EXOG: variants seen among roughly 807,000 people sequenced by gnomAD.
EXOG encodes exo/endonuclease G.
Under a neutral mutation model 25.8 loss-of-function variants are expected in EXOG, and 27 were observed. That is an observed-to-expected ratio of 1.05 (90% CI 0.77 to 1.45). The LOEUF is 1.45. Among genes scored for constraint, EXOG ranks in the 40% most tolerant of loss-of-function variants. EXOG has a pLI of 0.00. For missense variants in EXOG, 458 were observed against 450.5 expected, an observed-to-expected ratio of 1.02 and a Z score of -0.15; for synonymous variants, 133 against 167.0, an observed-to-expected ratio of 0.80 and a Z score of 1.57.
rs947830040 is a variant in EXOG, at chr3:38,525,799, C to T, written c.*1437C>T. On this transcript the variant is annotated 3_prime_UTR_variant, in exon 6 of 6. Coordinates refer to ENST00000287675, the MANE Select transcript of EXOG (RefSeq NM_005107.4). ...CTTTACAAAAAAATACAAAAATTAG[C>T]TGGGCGTGGTGGTGCACACCTGTAG... 2.7e-6 allele frequency: 1 copy of T among 376,436 alleles called. No homozygotes were observed. The highest frequency in any genetic ancestry group is 3.7e-6 in the Non-Finnish European group (1 of 273,424). 23.3% of individuals were successfully genotyped at this position (376,436 alleles called of 1,614,324 possible).
At chr3:38,514,873 C>T (rs2060490123) in intron 5 of EXOG, among the ~76,000 whole-genome samples, 1 of 145,248 alleles carries the variant, frequency 6.9e-6, no homozygotes, top group South Asian at 2.2e-4. Context: ...CAGGTTCAAG[C>T]AATTCTTCTG....
Position 38,496,351 on chromosome 3 carries a change from C to A in EXOG, c.-17C>A. 1 of 1,609,106 alleles carries A rather than the reference C, an allele frequency of 6.2e-7. No homozygotes were observed. On this transcript the variant is annotated 5_prime_UTR_variant, in exon 1 of 6. Coordinates refer to ENST00000287675, the MANE Select transcript of EXOG (RefSeq NM_005107.4). Reference sequence around the variant, plus strand: ...CGCGCGCATGCGCCGTGGTAAAAGGCCGGTACCTCGGGCAAGATGGCTATC... The same window carrying A: ...CGCGCGCATGCGCCGTGGTAAAAGGACGGTACCTCGGGCAAGATGGCTATC...
intron 5 of EXOG, among the ~76,000 whole-genome samples, chr3:38,519,551 A>T (rs939730678): frequency 3.3e-5 from 5 of 151,582 alleles, no homozygotes; most frequent in African/African-American, 9.7e-5. Flanking sequence ...TGGGAGTAAT[A>T]TTTTTTTTTA....
At chr3:38,515,939 G>A (rs1420143817) in intron 5 of EXOG, 1 of 152,206 alleles carries the variant, frequency 6.6e-6, no homozygotes, top group Non-Finnish European at 1.5e-5. Flanking sequence ...TTCTGCAGAT[G>A]AATTTTTTTC....
In EXOG at chr3:38,524,420, C is replaced by G; in HGVS notation, c.*58C>G. 6.6e-7 allele frequency: 1 copy of G among 1,514,828 alleles called. No homozygotes were observed. The highest frequency in any genetic ancestry group is 8.8e-7 in the Non-Finnish European group (1 of 1,135,810). The allele number at this position is 1,514,828 out of a possible 1,614,324, so 93.8% of individuals were successfully genotyped here. A position where few individuals can be genotyped will look rare whatever the true frequency, so the allele number is the denominator to read the frequency against. On this transcript the variant is annotated 3_prime_UTR_variant, in exon 6 of 6. Coordinates refer to ENST00000287675, the MANE Select transcript of EXOG (RefSeq NM_005107.4). ...ATGAAGCAGGCATGCCCTCTTTAGG[C>G]TAACATATTTTAGTGGCTTTGCTTT...
rs2060219500 is a variant in EXOG, at chr3:38,506,974, GA to G, written c.645+7del. ...AGAAAATAGTTAGTTACCAGGTAAGGATGTTTAATAGTCAGGTTTATGTTAT... is the reference window on the plus strand; with the variant it reads ...AGAAAATAGTTAGTTACCAGGTAAGGTGTTTAATAGTCAGGTTTATGTTAT... On this transcript the variant is annotated splice_region_variant and intron_variant, in intron 5 of 5. Coordinates refer to ENST00000287675, the MANE Select transcript of EXOG (RefSeq NM_005107.4). 4 of 1,188,246 alleles carry G rather than the reference GA, an allele frequency of 3.4e-6. No individual in the cohort carries two copies. The Admixed American group carries it at 6.9e-5, about 20-fold the overall frequency. The allele number at this position is 1,188,246 out of a possible 1,614,324, so 73.6% of individuals were successfully genotyped here.
chr3:38,519,131 A>G (rs986159545), intron 5 of EXOG: 11 of 152,256 alleles, frequency 7.2e-5, no homozygotes, highest in African/African-American at 2.4e-4. Context: ...GTCTGTTAGA[A>G]TATGTAGGAA....
chr3:38,501,370 A>C lies in EXOG; in HGVS notation c.329A>C (p.Lys110Thr). 6.2e-7 allele frequency: 1 copy of C among 1,613,616 alleles called. No individual in the cohort carries two copies. Among genetic ancestry groups the C allele is most frequent in the Non-Finnish European group, 8.5e-7 (1 of 1,179,530 alleles). ...KSKIMGDADR[K>T]HCKFKPDPNI... ...TTTTCTTCAGGTGATGCAGACAGAA[A>C]GCATTGTAAATTTAAGCCTGATCCC... The change falls in exon 3 of 6, where the codon AAG (lysine) becomes ACG (threonine). Residue 110 changes from lysine to threonine, a missense_variant. By Grantham distance (78) the Lys-to-Thr change is moderately conservative (BLOSUM62 -1). Around this residue, in one of 3 missense-constraint regions of EXOG, gnomAD observed 275 missense variants for 230.5 expected, o/e 1.19. Transcript: ENST00000287675.
chr3:38,516,315 G>A (rs2125790710), intron 5 of EXOG, among the ~76,000 whole-genome samples: 1 of 151,964 alleles, frequency 6.6e-6, no homozygotes, highest in African/African-American at 2.4e-5. Context: ...TTAGTGTTTT[G>A]CAAAGCAGGT....
Position 38,525,732 on chromosome 3 carries a change from C to A in EXOG, c.*1370C>A. On this transcript the variant is annotated 3_prime_UTR_variant, in exon 6 of 6. Transcript: ENST00000287675. Reference sequence around the variant, plus strand: ...TCGAGGTGGGTGGATCGCTTGAGCCCAGGAGTTTGAGACCAGCCTGGGCAA... The same window carrying A: ...TCGAGGTGGGTGGATCGCTTGAGCCAAGGAGTTTGAGACCAGCCTGGGCAA... 1.4e-6 allele frequency: 1 copy of A among 694,360 alleles called. No individual in the cohort carries two copies. Among genetic ancestry groups the A allele is most frequent in the Non-Finnish European group, 1.8e-6 (1 of 564,530 alleles). 43.0% of individuals were successfully genotyped at this position (694,360 alleles called of 1,614,324 possible). A position where few individuals can be genotyped will look rare whatever the true frequency, so the allele number is the denominator to read the frequency against.
chr3:38,506,735 C>T, intron 4 of EXOG, 119 bp from the exon 5 acceptor site: 2 of 491,820 alleles, frequency 4.1e-6, no homozygotes, highest in Non-Finnish European at 3.6e-6. Context: ...GTGCCATGTT[C>T]TTGTTTAATT....
intron 5 of EXOG, among the ~76,000 whole-genome samples, chr3:38,511,715 A>C (rs2060376393): frequency 6.6e-6 from 1 of 152,174 alleles, no homozygotes; most frequent in African/African-American, 2.4e-5. Context: ...CACATATTTC[A>C]TGTCAGATCT....
At chr3:38,501,573 A>G (rs1483758832) in intron 3 of EXOG, 79 bp downstream of exon 3, 5 of 1,309,440 alleles carry the variant, frequency 3.8e-6, no homozygotes, top group Middle Eastern at 3.7e-4. Context: ...TTAAAAACCT[A>G]GGAGCCAAAC....
rs1315392303 is a variant in EXOG at position 38,497,755 on chromosome 3, A to G, written c.290A>G (p.His97Arg). ...AKRVPRWVLE[H>R]ISKSKIMGDA... Reference sequence around the variant, plus strand: ...CGGGTGCCTAGATGGGTTCTTGAACATATTTCCAAAAGCAAGATAATGGGT... The same window carrying G: ...CGGGTGCCTAGATGGGTTCTTGAACGTATTTCCAAAAGCAAGATAATGGGT... Residue 97 changes from histidine (H) to arginine (R), a missense_variant, in exon 2 of 6, where the codon CAT becomes CGT. His to Arg is a conservative substitution (Grantham distance 29). Transcript: ENST00000287675. The G allele has an allele frequency of 3.8e-6, 6 of 1,599,052 alleles. No individual in the cohort carries two copies. The highest frequency in any genetic ancestry group is 1.2e-5 in the South Asian group (1 of 86,716).
At chr3:38,512,319 A>G (rs2060395543) in intron 5 of EXOG, among the ~76,000 whole-genome samples, 1 of 152,234 alleles carries the variant, frequency 6.6e-6, no homozygotes, top group Non-Finnish European at 1.5e-5. Context: ...AATATATGAC[A>G]TTGTAATGAA....
At position 38,524,215 on chromosome 3, in the gene EXOG, A is replaced by G. The variant is rs137953389; in HGVS notation, c.960A>G (p.Arg320=). The change falls in exon 6 of 6, where the codon CGA becomes CGG. Residue 320 remains arginine (R), a synonymous_variant. Transcript: ENST00000287675. ...GTACAAGAAAGATTGAAGGAGCCCGATCAGTGCTCAGACTGGAAAAGATCA... is the reference window on the plus strand; with the variant it reads ...GTACAAGAAAGATTGAAGGAGCCCGGTCAGTGCTCAGACTGGAAAAGATCA... ...YLSTRKIEGA[R]SVLRLEKIME... is the part of the protein sequence containing the mutation. The G allele has an allele frequency of 3.1e-4, 496 of 1,614,164 alleles. 2 individuals are homozygous for G. The highest frequency in any genetic ancestry group is 9.9e-4 in the Middle Eastern group (6 of 6,062).
At chr3:38,499,137 G>T in intron 2 of EXOG, 2 of 336,126 alleles carry the variant, frequency 6.0e-6, no homozygotes, top group Admixed American at 4.1e-5. Context: ...GAATTTATTT[G>T]TAAAAGTTCT....
chr3:38,521,177 G>A (rs1416958735), intron 5 of EXOG, among the ~76,000 whole-genome samples: 1 of 152,182 alleles, frequency 6.6e-6, no homozygotes, highest in African/African-American at 2.4e-5. Flanking sequence ...AGATTAGTGA[G>A]TGGCTAAGTT....
chr3:38,505,645 T>G (rs947532579), intron 4 of EXOG: 15 of 152,170 alleles, frequency 9.9e-5, no homozygotes, highest in Non-Finnish European at 1.5e-5. Context: ...TGCATTGTTA[T>G]CTCTCATTTA....
Sources: allele counts gnomAD v4.1 joint callset (sites outside exome capture counted in the v4.1 genomes callset), GRCh38; gene constraint gnomAD v4.1.1; regional missense constraint gnomAD v4.1.1; transcripts MANE v1.5; gene names NCBI Gene and HGNC (gene_info 2026-07-23, HGNC 2026-07-21).